Variants in KAZN observed in about 807,000 individuals in gnomAD.
The protein encoded by KAZN is kazrin.
KAZN carries 40 observed loss-of-function variants against 87.4 expected under a neutral mutation model. That is an observed-to-expected ratio of 0.46 (90% CI 0.36 to 0.60). The LOEUF (loss-of-function observed/expected upper bound fraction) is 0.60, where lower values mean the gene tolerates loss of function less well. Among genes scored for constraint, KAZN ranks in the 20% least tolerant of loss-of-function variants. The pLI is 0.00. For missense variants in KAZN, 898 were observed against 1,073.9 expected (o/e 0.84, Z 2.29); for synonymous variants, 466 against 458.3 (o/e 1.02, Z -0.22).
chr1:14,699,616 C>T (rs996632496), intron 1 of KAZN, among the ~76,000 whole-genome samples: 1 of 152,088 alleles, frequency 6.6e-6, no homozygotes, highest in Non-Finnish European at 1.5e-5. Context: ...AGAAAGAGAG[C>T]GATGAGGAGC....
At chr1:14,764,878 A>T (rs905021683) in intron 1 of KAZN, among the ~76,000 whole-genome samples, 1 of 152,168 alleles carries the variant, frequency 6.6e-6, no homozygotes, top group Non-Finnish European at 1.5e-5. Flanking sequence ...TCCCCACAAG[A>T]GTGCTGCATA....
At chr1:14,181,186 C>T (rs1377101147) in intron 2 of KAZN, among the ~76,000 whole-genome samples, 1 of 152,206 alleles carries the variant, frequency 6.6e-6, no homozygotes, top group Non-Finnish European at 1.5e-5. Context: ...TGTTGATAGA[C>T]AAACACCAAG....
At chr1:14,902,480 G>A (rs920550987) in intron 1 of KAZN, among the ~76,000 whole-genome samples, 4 of 151,948 alleles carry the variant, frequency 2.6e-5, no homozygotes, top group African/African-American at 4.8e-5. Context: ...CACCTGCCTC[G>A]GCCTCCCAAA....
At chr1:14,121,962 C>T (rs1202152362) in intron 1 of KAZN, among the ~76,000 whole-genome samples, 4 of 152,124 alleles carry the variant, frequency 2.6e-5, no homozygotes, top group Non-Finnish European at 4.4e-5. Flanking sequence ...GGGAAGCCAG[C>T]GAGGTTGGAA....
chr1:14,436,717 CA>C (rs1197002414), intron 2 of KAZN, among the ~76,000 whole-genome samples: 70 of 51,304 alleles, frequency 1.4e-3, no homozygotes, highest in African/African-American at 4.3e-3. Context: ...GACTCTGTCT[CA>C]AAAAAAAAAA....
chr1:14,115,114 G>A (rs1392348763), intron 1 of KAZN, among the ~76,000 whole-genome samples: 2 of 152,228 alleles, frequency 1.3e-5, no homozygotes, highest in African/African-American at 4.8e-5. Flanking sequence ...GCTGGAGGCT[G>A]CAAGTCCAAG....
chr1:13,975,821 TGAA>T (rs1464748289), intron 1 of KAZN, among the ~76,000 whole-genome samples: 14 of 152,298 alleles, frequency 9.2e-5, no homozygotes, highest in African/African-American at 3.4e-4. Flanking sequence ...AATGAATGAA[TGAA>T]TGAATCAAAA....
At chr1:14,965,267 G>A (rs1039208324) in intron 2 of KAZN, among the ~76,000 whole-genome samples, 5 of 152,016 alleles carry the variant, frequency 3.3e-5, no homozygotes, top group South Asian at 2.1e-4. Context: ...CAGTCTGCCC[G>A]GGTCGGCTTT....
chr1:14,382,036 G>C (rs1278968542), intron 2 of KAZN, among the ~76,000 whole-genome samples: 1 of 152,112 alleles, frequency 6.6e-6, no homozygotes, highest in African/African-American at 2.4e-5. Context: ...TCCCAACTGT[G>C]AACAATCTGA....
intron 2 of KAZN, among the ~76,000 whole-genome samples, chr1:14,347,074 C>T (rs566551608): frequency 1.3e-5 from 2 of 152,284 alleles, no homozygotes; most frequent in East Asian, 3.9e-4. Flanking sequence ...ATGTAGAAGA[C>T]ATCTTTTGTT....
At chr1:14,816,587 G>A (rs1171633496) in intron 1 of KAZN, among the ~76,000 whole-genome samples, 2 of 152,120 alleles carry the variant, frequency 1.3e-5, no homozygotes, top group African/African-American at 4.8e-5. Context: ...GCAAGAGGGA[G>A]TCATAGATGA....
intron 1 of KAZN, among the ~76,000 whole-genome samples, chr1:14,105,989 A>C (rs1457950264): frequency 6.6e-6 from 1 of 152,234 alleles, no homozygotes; most frequent in Non-Finnish European, 1.5e-5. Context: ...GTGGCTTAAA[A>C]TTTTTGAAAT....
intron 1 of KAZN, among the ~76,000 whole-genome samples, chr1:14,113,070 C>T (rs953529203): frequency 2.6e-5 from 4 of 152,160 alleles, no homozygotes; most frequent in African/African-American, 9.7e-5. Context: ...CAATGTGCAC[C>T]CTCCAAAGTC....
intron 1 of KAZN, among the ~76,000 whole-genome samples, chr1:14,012,292 C>G (rs1640349616): frequency 2.6e-5 from 4 of 152,162 alleles, no homozygotes; most frequent in Admixed American, 2.0e-4. Context: ...GAACAACCAC[C>G]TGAACCAGTG....
At chr1:14,388,384 C>A (rs1662131921) in intron 2 of KAZN, among the ~76,000 whole-genome samples, 1 of 152,152 alleles carries the variant, frequency 6.6e-6, no homozygotes, top group South Asian at 2.1e-4. Context: ...CCACAAAAGA[C>A]CCTGAATAGC....
rs2100571409 is a variant in KAZN, at chr1:15,066,580, A to G, written c.1222+827A>G. The G allele has an allele frequency of 1.0e-6, 1 of 984,422 alleles. No individual in the cohort carries two copies. The highest frequency in any genetic ancestry group is 1.7e-5 in the African/African-American group (1 of 57,342). The allele number at this position is 984,422 out of a possible 1,614,324, so 61.0% of individuals were successfully genotyped here. ...TTTATGAAAAAAAAGAAAAAAAGAA[A>G]ATTGTTTCATTTAATTTATTTGCAC... On this transcript the variant is annotated intron_variant, in intron 8 of 14. Coordinates refer to ENST00000376030, the MANE Select transcript of KAZN (RefSeq NM_201628.3). This position sits in a 1 kb window ranked among gnomAD's most constrained non-coding sequence, Gnocchi z 4.3.
In KAZN at chr1:14,973,440, G is replaced by A. The variant is rs191844357; in HGVS notation, c.418+12565G>A. Among the ~76,000 whole-genome samples the A allele has an allele frequency of 4.6e-5, 7 of 152,326 alleles. No individual in the cohort carries two copies. In the East Asian group the frequency reaches 1.4e-3, roughly 29 times the overall value. ...CACACCTGAACAAAGGGGCACGAGA[G>A]CCTTTATTCCTGATGCAAGTCCTGC... On this transcript the variant is annotated intron_variant, in intron 2 of 14. Transcript: ENST00000376030.
At chr1:14,293,186 A>G (rs372158130) in intron 2 of KAZN, among the ~76,000 whole-genome samples, 1 of 152,218 alleles carries the variant, frequency 6.6e-6, no homozygotes, top group East Asian at 1.9e-4. Flanking sequence ...GGAATAGCCA[A>G]AATTTTCTCC....
chr1:14,467,139 G>A (rs7545212), intron 2 of KAZN, among the ~76,000 whole-genome samples: 152,288 of 152,294 alleles, frequency 1, 76,141 homozygotes, highest in Middle Eastern at 1. Flanking sequence ...CCAATGCCTT[G>A]TAATGCATAA....
Sources: gnomAD v4.1 joint callset for allele counts (sites outside exome capture counted in the v4.1 genomes callset) on GRCh38, gnomAD v4.1.1 for gene constraint, Gnocchi (gnomAD v3.1) non-coding constraint, MANE v1.5 for transcripts, NCBI Gene and HGNC (gene_info 2026-07-23, HGNC 2026-07-21) for gene names.